The following GARIN1A variants were observed in gnomAD, a reference collection of about 807,000 sequenced individuals.
The protein encoded by GARIN1A is golgi associated RAB2 interactor 1A.
chr7:128,694,962 G>GTGTACTGACA, the GARIN1A span, among the ~76,000 whole-genome samples: 1 of 152,138 alleles, frequency 6.6e-6, no homozygotes, highest in Non-Finnish European at 1.5e-5. Flanking sequence ...GTTGGTCTTT[G>GTGTACTGACA]TGTACTGACA....
At chr7:128,681,282 TC>T in the GARIN1A span, among the ~76,000 whole-genome samples, 2 of 152,226 alleles carry the variant, frequency 1.3e-5, no homozygotes, top group African/African-American at 4.8e-5. Context: ...TCAGTCTGGC[TC>T]CCTATCAAGG....
chr7:128,691,299 G>A, the GARIN1A span: 2 of 152,166 alleles, frequency 1.3e-5, no homozygotes, highest in East Asian at 1.9e-4. Flanking sequence ...AGCTCATCAC[G>A]TCTGGTTTCC....
At chr7:128,706,420 C>G in the GARIN1A span, among the ~76,000 whole-genome samples, 1 of 152,066 alleles carries the variant, frequency 6.6e-6, no homozygotes, top group Non-Finnish European at 1.5e-5. Context: ...AACACACACA[C>G]GCACACACAT....
the GARIN1A span, among the ~76,000 whole-genome samples, chr7:128,675,442 T>TA: frequency 9.2e-6 from 1 of 109,160 alleles, no homozygotes; most frequent in Admixed American, 7.9e-5. Context: ...ATAAAACAGT[T>TA]ATCTTTTTAG....
At chr7:128,686,394 A>G in the GARIN1A span, 1 of 152,198 alleles carries the variant, frequency 6.6e-6, no homozygotes, top group Admixed American at 6.5e-5. Flanking sequence ...CATTTTATAA[A>G]TGATAAACCG....
At chr7:128,701,400 A>AGGGGG in the GARIN1A span, among the ~76,000 whole-genome samples, 1 of 4,932 alleles carries the variant, frequency 2.0e-4, no homozygotes, top group African/African-American at 9.8e-4. Context: ...AGGGGAGGGG[A>AGGGGG]AGGGGAAGGG....
At chr7:128,697,966 A>T in the GARIN1A span, among the ~76,000 whole-genome samples, 1 of 152,206 alleles carries the variant, frequency 6.6e-6, no homozygotes, top group African/African-American at 2.4e-5. Context: ...CATTCTGGGT[A>T]CAAGCTTCTG....
At chr7:128,672,630 C>A in the GARIN1A span, 2 of 378,238 alleles carry the variant, frequency 5.3e-6, no homozygotes, top group South Asian at 4.7e-5. Flanking sequence ...GATGCTGTGG[C>A]CTTTTAAAGC....
At chr7:128,694,712 A>G in the GARIN1A span, among the ~76,000 whole-genome samples, 3 of 152,198 alleles carry the variant, frequency 2.0e-5, no homozygotes, top group Non-Finnish European at 2.9e-5. Context: ...ATGCATCTAT[A>G]TATAACAATA....
chr7:128,672,624 C>A, the GARIN1A span: 1 of 321,526 alleles, frequency 3.1e-6, no homozygotes, highest in Non-Finnish European at 5.1e-6. Flanking sequence ...TTAGGAGATG[C>A]TGTGGCCTTT....
chr7:128,685,713 G>T, the GARIN1A span: 1 of 152,086 alleles, frequency 6.6e-6, no homozygotes, highest in Non-Finnish European at 1.5e-5. Context: ...TAATGTGCAG[G>T]GTGATTGTAC....
At chr7:128,700,660 A>C in the GARIN1A span, among the ~76,000 whole-genome samples, 1 of 152,208 alleles carries the variant, frequency 6.6e-6, no homozygotes, top group East Asian at 1.9e-4. Flanking sequence ...ATCAATATTA[A>C]AATATGAGCT....
At chr7:128,698,558 C>G in the GARIN1A span, among the ~76,000 whole-genome samples, 1 of 152,108 alleles carries the variant, frequency 6.6e-6, no homozygotes, top group Non-Finnish European at 1.5e-5. Flanking sequence ...CTGTTCTGTC[C>G]ATAAAATCAG....
chr7:128,681,494 T>C, the GARIN1A span, among the ~76,000 whole-genome samples: 1 of 122,236 alleles, frequency 8.2e-6, no homozygotes, highest in African/African-American at 3.1e-5. Context: ...TCCTCTGCTC[T>C]CCTCTCCTTT....
At chr7:128,674,414 C>G in the GARIN1A span, among the ~76,000 whole-genome samples, 6 of 152,088 alleles carry the variant, frequency 3.9e-5, no homozygotes, top group African/African-American at 1.4e-4. Context: ...CATGAATGAC[C>G]GCACACAGTC....
At chr7:128,686,257 C>A in the GARIN1A span, 1 of 152,124 alleles carries the variant, frequency 6.6e-6, no homozygotes, top group Non-Finnish European at 1.5e-5. Context: ...GTCTCCCAGA[C>A]TTTATCATCA....
At chr7:128,676,661 A>G in the GARIN1A span, among the ~76,000 whole-genome samples, 2 of 152,004 alleles carry the variant, frequency 1.3e-5, no homozygotes, top group East Asian at 1.9e-4. Context: ...AAACACGACT[A>G]TGAAATGCTG....
the GARIN1A span, among the ~76,000 whole-genome samples, chr7:128,698,263 G>C: frequency 6.6e-6 from 1 of 152,134 alleles, no homozygotes; most frequent in South Asian, 2.1e-4. Flanking sequence ...GTGGCACTTA[G>C]ACAGCTCCTG....
chr7:128,697,366 C>G, the GARIN1A span: 3 of 152,312 alleles, frequency 2.0e-5, no homozygotes, highest in African/African-American at 7.2e-5. Context: ...ATTTCTTCAC[C>G]CGGCCATGTA....
Sources: gnomAD v4.1 joint callset for allele counts (sites outside exome capture counted in the v4.1 genomes callset) on GRCh38, gnomAD v4.1.1 for gene constraint, MANE v1.5 for transcripts, NCBI Gene and HGNC (gene_info 2026-07-23, HGNC 2026-07-21) for gene names.